SLC71A2: variants seen among roughly 807,000 people sequenced by gnomAD.
SLC71A2 encodes the protein hippocampus abundant transcript-like 1.
At chr9:94,396,161 T>C in the SLC71A2 span, among the ~76,000 whole-genome samples, 1 of 150,760 alleles carries the variant, frequency 6.6e-6, no homozygotes, top group Non-Finnish European at 1.5e-5. Flanking sequence ...TATATGAGTA[T>C]ATTTGTGATA....
chr9:94,380,148 TC>T, the SLC71A2 span, among the ~76,000 whole-genome samples: 11 of 152,044 alleles, frequency 7.2e-5, no homozygotes, highest in Non-Finnish European at 1.3e-4. Flanking sequence ...GCGCCTGTAG[TC>T]CCAGCTACTT....
At chr9:94,456,239 GGAT>G in the SLC71A2 span, 1 of 1,613,276 alleles carries the variant, frequency 6.2e-7, no homozygotes, top group Non-Finnish European at 8.5e-7. Context: ...TGTCATTGCA[GGAT>G]GATGTGGGCA....
the SLC71A2 span, among the ~76,000 whole-genome samples, chr9:94,437,511 GT>G: frequency 4.6e-5 from 7 of 152,324 alleles, no homozygotes; most frequent in East Asian, 1.3e-3. Context: ...TTCAACTGTA[GT>G]TGTTGTTCAG....
the SLC71A2 span, among the ~76,000 whole-genome samples, chr9:94,400,105 C>T: frequency 6.6e-6 from 1 of 151,966 alleles, no homozygotes; most frequent in Non-Finnish European, 1.5e-5. Flanking sequence ...CCACTGCGCC[C>T]GGCCAGAGAA....
At chr9:94,436,823 A>G in the SLC71A2 span, among the ~76,000 whole-genome samples, 23 of 152,198 alleles carry the variant, frequency 1.5e-4, no homozygotes, top group Admixed American at 7.9e-4. Flanking sequence ...ATTTTCTCTG[A>G]AAAGTTCTAT....
the SLC71A2 span, chr9:94,458,497 C>T: frequency 1.8e-5 from 29 of 1,604,728 alleles, no homozygotes; most frequent in Admixed American, 5.1e-5. Flanking sequence ...TTTGTAACAA[C>T]AATTATGTAT....
At chr9:94,378,447 G>C in the SLC71A2 span, among the ~76,000 whole-genome samples, 1 of 152,092 alleles carries the variant, frequency 6.6e-6, no homozygotes, top group Non-Finnish European at 1.5e-5. Flanking sequence ...GGCCAACATA[G>C]TGAAACCCCA....
the SLC71A2 span, among the ~76,000 whole-genome samples, chr9:94,428,163 A>T: frequency 3.3e-5 from 5 of 151,228 alleles, no homozygotes; most frequent in Non-Finnish European, 7.4e-5. Context: ...AGCATTTTTT[A>T]AAAATACGTT....
At chr9:94,443,965 A>G in the SLC71A2 span, among the ~76,000 whole-genome samples, 2 of 152,210 alleles carry the variant, frequency 1.3e-5, no homozygotes, top group Non-Finnish European at 2.9e-5. Context: ...TTTCCCCTCC[A>G]AAAATACTTG....
the SLC71A2 span, among the ~76,000 whole-genome samples, chr9:94,435,710 A>G: frequency 1.4e-5 from 2 of 138,704 alleles, no homozygotes; most frequent in African/African-American, 5.5e-5. Flanking sequence ...GCTGGAGTGC[A>G]ATGGCACGAT....
At chr9:94,442,106 G>A in the SLC71A2 span, among the ~76,000 whole-genome samples, 8 of 152,172 alleles carry the variant, frequency 5.3e-5, no homozygotes, top group Non-Finnish European at 1.0e-4. Context: ...GAAAGTGGAA[G>A]AAGAAAGATG....
chr9:94,396,696 G>T, the SLC71A2 span, among the ~76,000 whole-genome samples: 3 of 152,186 alleles, frequency 2.0e-5, no homozygotes, highest in Admixed American at 1.3e-4. Context: ...CTAAATATCA[G>T]TGAAACTTTA....
the SLC71A2 span, among the ~76,000 whole-genome samples, chr9:94,425,219 G>A: frequency 2.6e-5 from 4 of 152,056 alleles, no homozygotes; most frequent in South Asian, 2.1e-4. Flanking sequence ...CAGGAGAATC[G>A]CTTGAACCCG....
At chr9:94,402,497 A>G in the SLC71A2 span, among the ~76,000 whole-genome samples, 5 of 152,122 alleles carry the variant, frequency 3.3e-5, no homozygotes, top group African/African-American at 9.7e-5. Context: ...TCTTTCCATT[A>G]ACTGTCACTC....
chr9:94,455,378 ATTTTTT>A, the SLC71A2 span, among the ~76,000 whole-genome samples: 2,724 of 85,802 alleles, frequency 0.032, 42 homozygotes, highest in Middle Eastern at 0.044. Context: ...TAATATTCTG[ATTTTTT>A]TTTTTTTTTT....
At chr9:94,458,480 G>A in the SLC71A2 span, 2 of 1,611,980 alleles carry the variant, frequency 1.2e-6, no homozygotes, top group Non-Finnish European at 1.7e-6. Flanking sequence ...TTGGTCATAA[G>A]TCTAGTTTTG....
the SLC71A2 span, chr9:94,438,425 C>G: frequency 3.1e-6 from 5 of 1,613,940 alleles, no homozygotes; most frequent in South Asian, 1.1e-5. Context: ...TTTGAGTGCC[C>G]CACTCATTGG....
the SLC71A2 span, among the ~76,000 whole-genome samples, chr9:94,457,138 G>C: frequency 1.2e-4 from 18 of 152,144 alleles, no homozygotes; most frequent in Middle Eastern, 3.4e-3. Context: ...CTAATTTTTT[G>C]TATTTTTAGT....
At chr9:94,428,598 C>T in the SLC71A2 span, among the ~76,000 whole-genome samples, 1 of 145,144 alleles carries the variant, frequency 6.9e-6, no homozygotes, top group Non-Finnish European at 1.5e-5. Context: ...ATACCCCCCC[C>T]CCTTTTTTTT....
Sources: allele counts gnomAD v4.1 joint callset (sites outside exome capture counted in the v4.1 genomes callset), GRCh38; gene constraint gnomAD v4.1.1; transcripts MANE v1.5; gene names NCBI Gene and HGNC (gene_info 2026-07-23, HGNC 2026-07-21).